GFRA2: variants seen among roughly 807,000 people sequenced by gnomAD.
GFRA2 encodes GDNF family receptor alpha 2, also known as GDNF family receptor alpha-2.
In GFRA2, 17 loss-of-function variants were observed where a neutral mutation model predicts 48.3. The observed-to-expected ratio is 0.35, with a 90% CI of 0.24 to 0.53. The LOEUF (loss-of-function observed/expected upper bound fraction) is 0.53, where lower values mean the gene tolerates loss of function less well. Ranked by LOEUF, GFRA2 falls within the 20% of genes least tolerant of loss-of-function variation. GFRA2 has a pLI of 0.93. For synonymous variants in GFRA2, 305 were observed against 257.2 expected (o/e 1.19, Z -1.78); for missense variants, 660 against 637.3 (o/e 1.04, Z -0.38).
At position 21,702,842 on chromosome 8, in the gene GFRA2, A is replaced by G. The variant is rs763007163; in HGVS notation, c.1181T>C (p.Leu394Ser). ...GCAGGTGGTGATGACACTGGTCCCC[A>G]AGCTGGTACTGTCACTGAGGTCATC... The part of the protein sequence containing the change: ...LPDDLSDSTS[L>S]GTSVITTCTS... Residue 394 changes from leucine to serine, a missense_variant, in exon 7 of 9, where the codon TTG becomes TCG. Transcript: ENST00000524240. 6.2e-7 allele frequency: 1 copy of G among 1,609,834 alleles called. No individual in the cohort carries two copies. Among genetic ancestry groups the G allele is most frequent in the South Asian group, 1.1e-5 (1 of 90,926 alleles).
At chr8:21,765,938 T>C (rs1476734241) in intron 3 of GFRA2, among the ~76,000 whole-genome samples, 1 of 152,132 alleles carries the variant, frequency 6.6e-6, no homozygotes, top group Non-Finnish European at 1.5e-5. Flanking sequence ...CCTATGACCG[T>C]CTGCAGCAAC....
intron 1 of GFRA2, chr8:21,783,242 C>T (rs1173336481): frequency 4.5e-6 from 2 of 448,818 alleles, no homozygotes; most frequent in East Asian, 5.4e-5. Context: ...CAGCAGAGAG[C>T]TGGGGGCTGC....
intron 4 of GFRA2, among the ~76,000 whole-genome samples, chr8:21,714,246 CTTTTTTT>C (rs10674628): frequency 3.8e-5 from 3 of 78,400 alleles, no homozygotes; most frequent in Non-Finnish European, 6.7e-5. Flanking sequence ...GTCTGAAGTT[CTTTTTTT>C]TTTTTTTTTT....
At chr8:21,784,244 C>T in intron 1 of GFRA2, 1 of 454,740 alleles carries the variant, frequency 2.2e-6, no homozygotes, top group Non-Finnish European at 4.4e-6. Context: ...CAGACATCGT[C>T]TTCCCAGTCC....
chr8:21,797,941 C>T (rs1416874061), intron 2 of GFRA2, among the ~76,000 whole-genome samples: 1 of 152,162 alleles, frequency 6.6e-6, no homozygotes, highest in African/African-American at 2.4e-5. Context: ...TCAACAACAG[C>T]AGGCTGCTCC....
In GFRA2 at chr8:21,794,311, C is replaced by T. The variant is rs963725659; in HGVS notation, c.-35-6117G>A. Among the ~76,000 whole-genome samples the T allele has an allele frequency of 4.7e-4, 57 of 122,104 alleles. No homozygotes were observed. In the Admixed American group the frequency reaches 5.9e-3, roughly 13 times the overall value. The allele number at this position is 122,104 out of a possible 152,430, so 80.1% of individuals were successfully genotyped here. A position where few individuals can be genotyped will look rare whatever the true frequency, so the allele number is the denominator to read the frequency against. On this transcript the variant is annotated intron_variant, in intron 2 of 10. Coordinates refer to the GFRA2 transcript ENST00000517328. ...AGGCTGGAGTGCTAGAGTGCAGTGG[C>T]GTGATCTTGGCTTACCACAATCTCC...
chr8:21,712,964 C>T lies in GFRA2; in HGVS notation c.795-6923G>A, dbSNP rs544594666. Among the ~76,000 whole-genome samples, 10 of 151,620 alleles carry T rather than the reference C, an allele frequency of 6.6e-5. No homozygotes were observed. In the East Asian group the frequency reaches 1.8e-3, roughly 27 times the overall value. On this transcript the variant is annotated intron_variant, in intron 4 of 8. Coordinates refer to ENST00000524240, the MANE Select transcript of GFRA2 (RefSeq NM_001495.5). ...TGAGCCGAGATGGCAGCAGTACAGT[C>T]CAGCTTCGGCTCGGCATCAGAGGGA...
At position 21,766,921 on chromosome 8, in the gene GFRA2, A is replaced by G. The variant is rs531409556; in HGVS notation, c.439+8051T>C. 9.8e-5 allele frequency among the ~76,000 whole-genome samples: 6 copies of G among 61,180 alleles called. No homozygotes were observed. The South Asian group carries it at 4.1e-3, about 42-fold the overall frequency. 40.1% of individuals were successfully genotyped at this position (61,180 alleles called of 152,430 possible). A position where few individuals can be genotyped will look rare whatever the true frequency, so the allele number is the denominator to read the frequency against. On this transcript the variant is annotated intron_variant, in intron 3 of 8. Coordinates refer to ENST00000524240, the MANE Select transcript of GFRA2 (RefSeq NM_001495.5). ...TCCACACACACGCTAACACATACCTACACACACAAACACCTACACACACTC... is the reference window on the plus strand; with the variant it reads ...TCCACACACACGCTAACACATACCTGCACACACAAACACCTACACACACTC...
At chr8:21,765,623 C>G (rs1244400164) in intron 3 of GFRA2, among the ~76,000 whole-genome samples, 10 of 152,048 alleles carry the variant, frequency 6.6e-5, no homozygotes, top group Non-Finnish European at 1.2e-4. Flanking sequence ...TAATCACTCT[C>G]AATCCATGTA....
chr8:21,784,445 T>A, intron 1 of GFRA2: 1 of 419,808 alleles, frequency 2.4e-6, no homozygotes, highest in Non-Finnish European at 4.9e-6. Context: ...GAATTCCCCA[T>A]CCCTACCCAG....
intron 3 of GFRA2, among the ~76,000 whole-genome samples, chr8:21,758,706 T>G (rs947152383): frequency 6.6e-6 from 1 of 152,148 alleles, no homozygotes; most frequent in East Asian, 1.9e-4. Flanking sequence ...CCCTTATATT[T>G]TGTGCCTCTC....
rs114008728 is a variant in GFRA2 at position 21,718,324 on chromosome 8, G to A, written c.795-12283C>T. On this transcript the variant is annotated intron_variant, in intron 4 of 8. Transcript: ENST00000524240. ...CGTGACTTGCTCGTCCTTGCCTTCT[G>A]CCATAATTGTGAGGCTTCCCCAGCC... Among the ~76,000 whole-genome samples, 243 of 152,282 alleles carry A rather than the reference G, an allele frequency of 1.6e-3. 1 individual carries two copies. Among genetic ancestry groups the A allele is most frequent in the African/African-American group, 5.8e-3 (239 of 41,548 alleles).
At chr8:21,809,489 T>A in intron 1 of GFRA2, among the ~76,000 whole-genome samples, 1 of 96,478 alleles carries the variant, frequency 1.0e-5, no homozygotes, top group Admixed American at 9.7e-5. Flanking sequence ...CATGCCCAGC[T>A]ATTTTTTTTT....
At chr8:21,696,223 C>A (rs1294574027) in intron 7 of GFRA2, among the ~76,000 whole-genome samples, 1 of 150,414 alleles carries the variant, frequency 6.6e-6, no homozygotes, top group Non-Finnish European at 1.5e-5. Flanking sequence ...TCCTCTGTCC[C>A]CTCCCCTTTC....
chr8:21,705,835 T>C, intron 5 of GFRA2, 97 bp downstream of exon 5: 1 of 750,694 alleles, frequency 1.3e-6, no homozygotes, highest in South Asian at 1.8e-5. Context: ...GCTCAGGCTG[T>C]CTCCCCCAGC....
intron 1 of GFRA2, among the ~76,000 whole-genome samples, chr8:21,809,409 C>G (rs1426497192): frequency 6.6e-6 from 1 of 152,192 alleles, no homozygotes; most frequent in Non-Finnish European, 1.5e-5. Context: ...ACGGCAAGCT[C>G]CGCCTCCCAG....
Position 21,776,995 on chromosome 8 carries a change from G to A in GFRA2, c.356-1940C>T, listed in dbSNP as rs1327783603. ...TACAATAAAAATAATGTTAGACTGC[G>A]TTTTCCAGGTGCCAGCACTGAAAGT... On this transcript the variant is annotated intron_variant, in intron 2 of 8. Coordinates refer to ENST00000524240, the MANE Select transcript of GFRA2 (RefSeq NM_001495.5). Among the ~76,000 whole-genome samples, 5 of 152,302 alleles carry A rather than the reference G, an allele frequency of 3.3e-5. No individual in the cohort carries two copies. In the East Asian group the frequency reaches 5.8e-4, roughly 18 times the overall value.
At chr8:21,701,142 C>T (rs1462899837) in intron 7 of GFRA2, among the ~76,000 whole-genome samples, 1 of 152,240 alleles carries the variant, frequency 6.6e-6, no homozygotes, top group Non-Finnish European at 1.5e-5. Context: ...CGCCTGTAAT[C>T]CCAGTACTTT....
intron 4 of GFRA2, among the ~76,000 whole-genome samples, chr8:21,734,382 G>A (rs1251866389): frequency 6.6e-6 from 1 of 152,258 alleles, no homozygotes; most frequent in Non-Finnish European, 1.5e-5. Context: ...TACCCAACAT[G>A]CAGACCTTTC....
Sources: allele counts gnomAD v4.1 joint callset (sites outside exome capture counted in the v4.1 genomes callset), GRCh38; gene constraint gnomAD v4.1.1; transcripts MANE v1.5; gene names NCBI Gene and HGNC (gene_info 2026-07-23, HGNC 2026-07-21).